The following CCDC148 variants were observed in gnomAD, a reference collection of about 807,000 sequenced individuals.
CCDC148 encodes the protein coiled-coil domain containing 148.
CCDC148 carries 89 observed loss-of-function variants against 85.7 expected under a neutral mutation model. That is an observed-to-expected ratio of 1.04 (90% CI 0.87 to 1.24). The LOEUF (loss-of-function observed/expected upper bound fraction) is 1.24, where lower values mean the gene tolerates loss of function less well. CCDC148 is among the 50% of genes most tolerant of loss of function. CCDC148 has a pLI of 0.00. For missense variants in CCDC148, 692 were observed against 671.7 expected (o/e 1.03, Z -0.33); for synonymous variants, 230 against 213.9 (o/e 1.08, Z -0.66).
chr2:158,432,553 A>C (rs1687403330), intron 1 of CCDC148, among the ~76,000 whole-genome samples: 1 of 152,178 alleles, frequency 6.6e-6, no homozygotes, highest in Admixed American at 6.5e-5. Context: ...AGAAGAACAG[A>C]AAATCTGAAT....
At chr2:158,328,453 C>T (rs181814311) in intron 7 of CCDC148, among the ~76,000 whole-genome samples, 1 of 152,040 alleles carries the variant, frequency 6.6e-6, no homozygotes, top group African/African-American at 2.4e-5. Context: ...TTGCTATTGT[C>T]AATAGTGCCA....
At chr2:158,383,467 G>C (rs1684961584) in intron 1 of CCDC148, among the ~76,000 whole-genome samples, 1 of 151,838 alleles carries the variant, frequency 6.6e-6, no homozygotes. Flanking sequence ...TGACTGCAAA[G>C]CTATACATCA....
chr2:158,304,482 C>A (rs1691590578), intron 9 of CCDC148, among the ~76,000 whole-genome samples: 1 of 152,110 alleles, frequency 6.6e-6, no homozygotes, highest in African/African-American at 2.4e-5. Context: ...TGTTCCATCC[C>A]ACTGTTTTTG....
At chr2:158,455,013 T>C (rs1688549630) in intron 1 of CCDC148, among the ~76,000 whole-genome samples, 1 of 152,226 alleles carries the variant, frequency 6.6e-6, no homozygotes, top group Non-Finnish European at 1.5e-5. Context: ...TTCTTCTTTC[T>C]ATGCTAGCCT....
At chr2:158,353,317 G>A (rs1042055788) in intron 2 of CCDC148, among the ~76,000 whole-genome samples, 5 of 146,184 alleles carry the variant, frequency 3.4e-5, no homozygotes, top group African/African-American at 1.3e-4. Context: ...TCAGTGTGCT[G>A]TATTCAGGAA....
intron 2 of CCDC148, among the ~76,000 whole-genome samples, chr2:158,347,479 A>T (rs1683051848): frequency 6.6e-6 from 1 of 152,174 alleles, no homozygotes; most frequent in African/African-American, 2.4e-5. Flanking sequence ...AATAACAAAA[A>T]GATTTAAAGT....
chr2:158,403,166 C>G (rs1685856581), intron 1 of CCDC148, among the ~76,000 whole-genome samples: 1 of 151,948 alleles, frequency 6.6e-6, no homozygotes, highest in Admixed American at 6.6e-5. Flanking sequence ...CAAACAGAAT[C>G]TACAACAAAT....
intron 8 of CCDC148, among the ~76,000 whole-genome samples, chr2:158,313,552 G>C (rs1224608744): frequency 6.6e-6 from 1 of 152,138 alleles, no homozygotes; most frequent in South Asian, 2.1e-4. Flanking sequence ...TGCCCGAGGG[G>C]GCCCCCCACC....
At chr2:158,229,469 A>C (rs994678930) in intron 10 of CCDC148, among the ~76,000 whole-genome samples, 2 of 152,236 alleles carry the variant, frequency 1.3e-5, no homozygotes, top group Non-Finnish European at 2.9e-5. Context: ...GTTTCAATTG[A>C]ATCTTCAATG....
At chr2:158,244,721 G>A (rs897287173) in intron 10 of CCDC148, among the ~76,000 whole-genome samples, 1 of 152,072 alleles carries the variant, frequency 6.6e-6, no homozygotes, top group African/African-American at 2.4e-5. Context: ...AAGGTCTTCT[G>A]TGCCATATAA....
At chr2:158,179,064 G>A in intron 11 of CCDC148, 68 bp from the exon 12 acceptor site, 4 of 1,166,088 alleles carry the variant, frequency 3.4e-6, no homozygotes, top group Non-Finnish European at 5.1e-6. Context: ...ACAGAAAACA[G>A]CATAGGGGCA....
intron 7 of CCDC148, among the ~76,000 whole-genome samples, chr2:158,316,235 A>T (rs1692276875): frequency 1.3e-5 from 2 of 152,236 alleles, no homozygotes; most frequent in Non-Finnish European, 2.9e-5. Flanking sequence ...AATGGCAAAC[A>T]TTTACAAAAA....
intron 9 of CCDC148, among the ~76,000 whole-genome samples, chr2:158,279,718 G>A (rs1279758020): frequency 6.6e-6 from 1 of 152,138 alleles, no homozygotes; most frequent in East Asian, 1.9e-4. Context: ...TATTATCCAG[G>A]AGAACTTCCC....
At chr2:158,293,287 T>C (rs1309045811) in intron 9 of CCDC148, among the ~76,000 whole-genome samples, 5 of 152,094 alleles carry the variant, frequency 3.3e-5, no homozygotes, top group Non-Finnish European at 5.9e-5. Context: ...CCAGAGAAAG[T>C]TGCACTGGTA....
chr2:158,439,038 C>G (rs1004188901), intron 1 of CCDC148, among the ~76,000 whole-genome samples: 1 of 152,170 alleles, frequency 6.6e-6, no homozygotes, highest in Non-Finnish European at 1.5e-5. Context: ...GGACTGTAAA[C>G]TAGTTCAACC....
chr2:158,243,729 G>A (rs1420708373), intron 10 of CCDC148, among the ~76,000 whole-genome samples: 1 of 152,108 alleles, frequency 6.6e-6, no homozygotes, highest in Non-Finnish European at 1.5e-5. Flanking sequence ...ATGCCATACT[G>A]TTGGCAGTAA....
rs779083601 is a variant in CCDC148, at chr2:158,358,438, C to T, written c.147+11G>A. ...AAAACTAGAAAAACACATACACACA[C>T]AACTTCTAACCTTTAGCTTTGCAGA... On this transcript the variant is annotated intron_variant, in intron 2 of 13. Coordinates refer to ENST00000283233, the MANE Select transcript of CCDC148 (RefSeq NM_138803.4). 1 of 1,599,340 alleles carries T rather than the reference C, an allele frequency of 6.3e-7. No homozygotes were observed. The highest frequency in any genetic ancestry group is 8.5e-7 in the Non-Finnish European group (1 of 1,175,816).
chr2:158,194,032 A>T (rs534060940), intron 11 of CCDC148, among the ~76,000 whole-genome samples: 76 of 151,992 alleles, frequency 5.0e-4, no homozygotes, highest in Admixed American at 2.0e-3. Flanking sequence ...AAAAAAATTT[A>T]AAAAAATTTA....
chr2:158,216,236 A>C (rs542390119), intron 11 of CCDC148, among the ~76,000 whole-genome samples: 24 of 152,224 alleles, frequency 1.6e-4, no homozygotes, highest in African/African-American at 5.8e-4. Flanking sequence ...GGTAGTGGTT[A>C]AGGGCACTTT....
Sources: allele counts gnomAD v4.1 joint callset (sites outside exome capture counted in the v4.1 genomes callset), GRCh38; gene constraint gnomAD v4.1.1; transcripts MANE v1.5; gene names NCBI Gene and HGNC (gene_info 2026-07-23, HGNC 2026-07-21).